Variants in JAM3 observed in about 807,000 individuals in gnomAD.
JAM3 encodes the protein junctional adhesion molecule C.
In JAM3, 31 loss-of-function variants were observed where a neutral mutation model predicts 39.4. The ratio of observed to expected loss-of-function variants is 0.79; its 90% CI spans 0.59 to 1.06. The LOEUF is 1.06. Ranked by LOEUF, JAM3 falls within the 50% of genes least tolerant of loss-of-function variation. The pLI is 0.00. For synonymous variants in JAM3, 182 were observed against 148.7 expected (o/e 1.22, Z -1.63); for missense variants, 455 against 391.4 (o/e 1.16, Z -1.37).
chr11:134,115,443 A>G (rs112444095), intron 1 of JAM3, among the ~76,000 whole-genome samples: 100 of 151,740 alleles, frequency 6.6e-4, no homozygotes, highest in Non-Finnish European at 1.0e-3. Flanking sequence ...TGTTCTTTTT[A>G]TGCCTTCTTT....
rs770697848 is a variant in JAM3, at chr11:134,145,929, G to C, written c.613-17G>C. 6.4e-7 allele frequency: 1 copy of C among 1,572,604 alleles called. No homozygotes were observed. Among genetic ancestry groups the C allele is most frequent in the Non-Finnish European group, 8.8e-7 (1 of 1,142,176 alleles). ...CCATGATGGGTCCGATTATTTACTT[G>C]TCATTCCCTGAAACAGGTGTTCACT... is the stretch of plus-strand genomic sequence containing the variant. On this transcript the variant is annotated splice_polypyrimidine_tract_variant and intron_variant, in intron 5 of 8. Coordinates refer to ENST00000299106, the MANE Select transcript of JAM3 (RefSeq NM_032801.5).
At chr11:134,141,831 T>G (rs952011039) in intron 3 of JAM3, among the ~76,000 whole-genome samples, 1 of 151,936 alleles carries the variant, frequency 6.6e-6, no homozygotes, top group African/African-American at 2.4e-5. Flanking sequence ...GGGCGGGAGC[T>G]GCAGGAGGTA....
At chr11:134,099,398 C>G (rs1285628877) in intron 1 of JAM3, among the ~76,000 whole-genome samples, 4 of 152,122 alleles carry the variant, frequency 2.6e-5, no homozygotes, top group Non-Finnish European at 5.9e-5. Context: ...TTCTCTCCTA[C>G]TCCTCACTAC....
intron 1 of JAM3, among the ~76,000 whole-genome samples, chr11:134,120,134 C>T (rs1056998540): frequency 3.0e-4 from 45 of 148,134 alleles, no homozygotes; most frequent in Admixed American, 1.1e-3. Flanking sequence ...GGGATATATT[C>T]TTCTCTAGGG....
At chr11:134,104,606 C>G (rs977210681) in intron 1 of JAM3, among the ~76,000 whole-genome samples, 1 of 151,830 alleles carries the variant, frequency 6.6e-6, no homozygotes, top group Non-Finnish European at 1.5e-5. Context: ...ATTGATAGAC[C>G]GCTAGCAAGA....
chr11:134,131,409 A>T (rs1942767615), intron 1 of JAM3, among the ~76,000 whole-genome samples: 1 of 151,802 alleles, frequency 6.6e-6, no homozygotes, highest in South Asian at 2.1e-4. Flanking sequence ...TTAAACAGTA[A>T]TTTTTTTAAA....
At chr11:134,133,269 T>G in intron 1 of JAM3, among the ~76,000 whole-genome samples, 1 of 152,334 alleles carries the variant, frequency 6.6e-6, no homozygotes, top group Non-Finnish European at 1.5e-5. Flanking sequence ...CCTTTCCAAC[T>G]TCGATTCCTT....
In JAM3 at chr11:134,149,618, A is replaced by G. The variant is rs1411454396; in HGVS notation, c.*437A>G. 11 of 462,456 alleles carry G rather than the reference A, an allele frequency of 2.4e-5. No homozygotes were observed. Among genetic ancestry groups the G allele is most frequent in the Admixed American group, 2.1e-4 (9 of 42,708 alleles). The allele number at this position is 462,456 out of a possible 1,614,324, so 28.6% of individuals were successfully genotyped here. ...AGCACCAGCAGCGCATCCCGGCGGG[A>G]ACCCAGAAAAGGCTTCTTACACAGC... is the stretch of plus-strand genomic sequence containing the variant. On this transcript the variant is annotated 3_prime_UTR_variant, in exon 9 of 9. Transcript: ENST00000299106.
At chr11:134,104,605 C>T (rs1317622922) in intron 1 of JAM3, among the ~76,000 whole-genome samples, 7 of 152,056 alleles carry the variant, frequency 4.6e-5, no homozygotes, top group Non-Finnish European at 4.4e-5. Flanking sequence ...AATTGATAGA[C>T]CGCTAGCAAG....
At chr11:134,113,998 G>C (rs1322940625) in intron 1 of JAM3, among the ~76,000 whole-genome samples, 1 of 152,144 alleles carries the variant, frequency 6.6e-6, no homozygotes, top group Admixed American at 6.5e-5. Context: ...CTTCTTTTCA[G>C]AAGTGTCTGT....
chr11:134,072,881 G>A (rs1941505743), intron 1 of JAM3, among the ~76,000 whole-genome samples: 1 of 152,146 alleles, frequency 6.6e-6, no homozygotes, highest in African/African-American at 2.4e-5. Flanking sequence ...CTGCACTCTT[G>A]CCTGGGGTAC....
intron 3 of JAM3, among the ~76,000 whole-genome samples, chr11:134,142,063 C>T (rs1329036155): frequency 1.3e-5 from 2 of 152,090 alleles, no homozygotes; most frequent in Admixed American, 1.3e-4. Context: ...GAACACAGAT[C>T]TGTTTTCTTT....
At chr11:134,100,949 T>C (rs1217330836) in intron 1 of JAM3, among the ~76,000 whole-genome samples, 3 of 152,332 alleles carry the variant, frequency 2.0e-5, no homozygotes, top group African/African-American at 7.2e-5. Flanking sequence ...TAACTAAAGT[T>C]AATTTCCTGA....
chr11:134,115,940 A>C (rs1942422387), intron 1 of JAM3, among the ~76,000 whole-genome samples: 2 of 152,134 alleles, frequency 1.3e-5, no homozygotes, highest in Admixed American at 1.3e-4. Flanking sequence ...AGATACCATA[A>C]AAGTGCAGTG....
At chr11:134,099,835 G>A (rs759130736) in intron 1 of JAM3, among the ~76,000 whole-genome samples, 4 of 152,144 alleles carry the variant, frequency 2.6e-5, no homozygotes, top group Non-Finnish European at 5.9e-5. Flanking sequence ...TCGAACTCCA[G>A]ACCTCGTCAT....
chr11:134,123,214 G>C, intron 1 of JAM3, among the ~76,000 whole-genome samples: 1 of 147,582 alleles, frequency 6.8e-6, no homozygotes, highest in Middle Eastern at 3.6e-3. Flanking sequence ...TATTTATTTA[G>C]TTATTTGTTT....
At chr11:134,139,954 T>G in intron 2 of JAM3, 38 bp downstream of exon 2, 2 of 1,462,196 alleles carry the variant, frequency 1.4e-6, no homozygotes, top group Non-Finnish European at 1.9e-6. Context: ...ATGGGCACCA[T>G]CTACTGGACA....
chr11:134,111,552 C>T (rs117934079), intron 1 of JAM3, among the ~76,000 whole-genome samples: 12 of 152,136 alleles, frequency 7.9e-5, no homozygotes, highest in East Asian at 1.9e-4. Flanking sequence ...ACCATTAATT[C>T]GATGTTAGGG....
intron 1 of JAM3, among the ~76,000 whole-genome samples, chr11:134,087,791 G>C (rs1034675931): frequency 6.6e-6 from 1 of 152,064 alleles, no homozygotes; most frequent in South Asian, 2.1e-4. Context: ...CTCTTAATTC[G>C]CATGGACATA....
Sources: allele counts gnomAD v4.1 joint callset (sites outside exome capture counted in the v4.1 genomes callset), GRCh38; gene constraint gnomAD v4.1.1; transcripts MANE v1.5; gene names NCBI Gene and HGNC (gene_info 2026-07-23, HGNC 2026-07-21).